The following KCNJ3 variants were observed in gnomAD, a reference collection of about 807,000 sequenced individuals.
KCNJ3 encodes the protein potassium inwardly rectifying channel subfamily J member 3.
Under a neutral mutation model 39.2 loss-of-function variants are expected in KCNJ3, and 4 were observed. That is an observed-to-expected ratio of 0.10 (90% CI 0.05 to 0.23). The LOEUF is 0.23. Among genes scored for constraint, KCNJ3 ranks in the 10% least tolerant of loss-of-function variants. KCNJ3 has a pLI of 1.00. For synonymous variants in KCNJ3, 230 were observed against 237.4 expected (o/e 0.97, Z 0.29); for missense variants, 276 against 634.9 (o/e 0.43, Z 6.08).
At chr2:154,785,383 C>G (rs750668533) in intron 2 of KCNJ3, among the ~76,000 whole-genome samples, 4 of 152,166 alleles carry the variant, frequency 2.6e-5, no homozygotes, top group Non-Finnish European at 4.4e-5. Flanking sequence ...GATCTTTTCT[C>G]TGTGCACATG....
chr2:154,734,964 C>T (rs1685502203), intron 2 of KCNJ3, among the ~76,000 whole-genome samples: 1 of 152,158 alleles, frequency 6.6e-6, no homozygotes, highest in Non-Finnish European at 1.5e-5. Flanking sequence ...TTTCCTCCCA[C>T]ATCAAATTCA....
intron 2 of KCNJ3, among the ~76,000 whole-genome samples, chr2:154,779,952 G>T (rs902255381): frequency 6.6e-6 from 1 of 152,082 alleles, no homozygotes; most frequent in African/African-American, 2.4e-5. Flanking sequence ...TTGTTAAAAG[G>T]AAGAGAGGAA....
At chr2:154,804,751 G>A (rs1377475466) in intron 2 of KCNJ3, among the ~76,000 whole-genome samples, 3 of 152,108 alleles carry the variant, frequency 2.0e-5, no homozygotes, top group Admixed American at 2.0e-4. Context: ...AAATAATGGT[G>A]CTGATGTTGA....
Position 154,856,146 on chromosome 2 carries a change from A to G in KCNJ3, c.*833A>G, listed in dbSNP as rs1426999101. ...TTTAAAAGTTGCTAGTACTGGGGAG[A>G]AATAATTGTTGATTAATTTGAGAAT... On this transcript the variant is annotated 3_prime_UTR_variant, in exon 3 of 3. Coordinates refer to ENST00000295101, the MANE Select transcript of KCNJ3 (RefSeq NM_002239.4). The G allele has an allele frequency of 6.6e-6, 1 of 152,548 alleles. No homozygotes were observed. Among genetic ancestry groups the G allele is most frequent in the African/African-American group, 2.4e-5 (1 of 41,436 alleles). The allele number at this position is 152,548 out of a possible 1,614,324, so 9.4% of individuals were successfully genotyped here. A position where few individuals can be genotyped will look rare whatever the true frequency, so the allele number is the denominator to read the frequency against.
At chr2:154,799,478 G>A (rs1686773988) in intron 2 of KCNJ3, among the ~76,000 whole-genome samples, 1 of 152,160 alleles carries the variant, frequency 6.6e-6, no homozygotes, top group South Asian at 2.1e-4. Context: ...AGGAGGAGGG[G>A]TGGTGGGGTC....
intron 2 of KCNJ3, among the ~76,000 whole-genome samples, chr2:154,756,961 A>G (rs1685949044): frequency 6.6e-6 from 1 of 152,086 alleles, no homozygotes; most frequent in South Asian, 2.1e-4. Flanking sequence ...TCTTGGAAAA[A>G]TTGAACTCAT....
At chr2:154,850,448 A>T (rs1372667591) in intron 2 of KCNJ3, among the ~76,000 whole-genome samples, 1 of 152,070 alleles carries the variant, frequency 6.6e-6, no homozygotes, top group East Asian at 1.9e-4. Flanking sequence ...TTTTTTCATC[A>T]CCATTTTGGG....
intron 2 of KCNJ3, among the ~76,000 whole-genome samples, chr2:154,801,120 TTGAC>T (rs1686810634): frequency 6.6e-6 from 1 of 152,214 alleles, no homozygotes; most frequent in South Asian, 2.1e-4. Context: ...AAAACCCACT[TTGAC>T]TGACCTTTGT....
chr2:154,837,577 C>T (rs1442726380), intron 2 of KCNJ3, among the ~76,000 whole-genome samples: 1 of 152,100 alleles, frequency 6.6e-6, no homozygotes, highest in African/African-American at 2.4e-5. Context: ...TTCACCTGTG[C>T]TAACATTTTT....
intron 2 of KCNJ3, among the ~76,000 whole-genome samples, chr2:154,793,512 T>G (rs969560368): frequency 6.6e-6 from 1 of 152,068 alleles, no homozygotes; most frequent in Non-Finnish European, 1.5e-5. Context: ...AGGACAATAG[T>G]GTATCAGAAA....
chr2:154,710,128 T>C (rs67490716), intron 2 of KCNJ3, among the ~76,000 whole-genome samples: 33,662 of 152,086 alleles, frequency 0.22, 4,706 homozygotes, highest in Non-Finnish European at 0.31. Flanking sequence ...ATCATGATTT[T>C]TCTTTAAAGA....
Position 154,698,979 on chromosome 2 carries a change from C to G in KCNJ3, c.204C>G (p.Leu68=). 6.2e-7 allele frequency: 1 copy of G among 1,614,194 alleles called. No homozygotes were observed. Among genetic ancestry groups the G allele is most frequent in the Non-Finnish European group, 8.5e-7 (1 of 1,180,044 alleles). Residue 68 remains leucine, a synonymous_variant, in exon 1 of 3, where the codon CTC becomes CTG. Transcript: ENST00000295101. ...TGGGCAGCGAGACAAGCCGCTACCT[C>G]TCGGACCTCTTCACCACGCTGGTGG... ...GNLGSETSRY[L]SDLFTTLVDL...
intron 2 of KCNJ3, among the ~76,000 whole-genome samples, chr2:154,776,749 A>G (rs1686342577): frequency 6.6e-6 from 1 of 152,170 alleles, no homozygotes; most frequent in African/African-American, 2.4e-5. Flanking sequence ...AAAAAATACC[A>G]TAGTTAGATG....
chr2:154,741,942 A>T (rs1411296547), intron 2 of KCNJ3, among the ~76,000 whole-genome samples: 1 of 151,854 alleles, frequency 6.6e-6, no homozygotes, highest in Non-Finnish European at 1.5e-5. Context: ...TATTAAACAC[A>T]TTCATAATGT....
intron 2 of KCNJ3, among the ~76,000 whole-genome samples, chr2:154,779,919 A>T (rs911080139): frequency 6.6e-6 from 1 of 152,118 alleles, no homozygotes; most frequent in African/African-American, 2.4e-5. Context: ...GCTTCAAAAC[A>T]TGCCTCTGTT....
intron 2 of KCNJ3, among the ~76,000 whole-genome samples, chr2:154,742,452 A>G (rs1196126996): frequency 3.3e-5 from 5 of 151,848 alleles, no homozygotes; most frequent in Non-Finnish European, 7.4e-5. Context: ...AGGAACCACC[A>G]TAGTCCTCCA....
intron 2 of KCNJ3, among the ~76,000 whole-genome samples, chr2:154,835,923 C>T (rs2105124349): frequency 6.6e-6 from 1 of 152,182 alleles, no homozygotes; most frequent in Non-Finnish European, 1.5e-5. Context: ...TAACAGAATG[C>T]TTATAGACAG....
chr2:154,740,243 C>T (rs1685629409), intron 2 of KCNJ3, among the ~76,000 whole-genome samples: 1 of 152,010 alleles, frequency 6.6e-6, no homozygotes, highest in Admixed American at 6.5e-5. Context: ...TTAGTAATGG[C>T]TTCTGTTATT....
chr2:154,799,750 C>A (rs1686779559), intron 2 of KCNJ3, among the ~76,000 whole-genome samples: 1 of 152,112 alleles, frequency 6.6e-6, no homozygotes, highest in South Asian at 2.1e-4. Context: ...CACCCACTTC[C>A]TAGGTAATTC....
Sources: allele counts gnomAD v4.1 joint callset (sites outside exome capture counted in the v4.1 genomes callset), GRCh38; gene constraint gnomAD v4.1.1; transcripts MANE v1.5; gene names NCBI Gene and HGNC (gene_info 2026-07-23, HGNC 2026-07-21).